MED13L: variants seen among roughly 807,000 people sequenced by gnomAD.
The protein encoded by MED13L is mediator complex subunit 13L.
In MED13L, 7 loss-of-function variants were observed where a neutral mutation model predicts 220.9. The ratio of observed to expected loss-of-function variants is 0.03; its 90% CI spans 0.02 to 0.06. The LOEUF (loss-of-function observed/expected upper bound fraction) is 0.06, where lower values mean the gene tolerates loss of function less well. Among genes scored for constraint, MED13L ranks in the 10% least tolerant of loss-of-function variants. The pLI, the probability that MED13L is intolerant of heterozygous loss-of-function variation, is 1.00. For synonymous variants in MED13L, 1,011 were observed against 1,015.2 expected (o/e 1.00, Z 0.08); for missense variants, 1,965 against 2,760.5 (o/e 0.71, Z 6.46).
chr12:116,084,417 T>C (rs916036240), intron 4 of MED13L, among the ~76,000 whole-genome samples: 2 of 152,204 alleles, frequency 1.3e-5, no homozygotes, highest in Admixed American at 1.3e-4. Flanking sequence ...TAAAAGTATA[T>C]ACAATCCCAA....
chr12:116,029,014 C>T (rs755193073), intron 4 of MED13L, among the ~76,000 whole-genome samples: 17 of 152,146 alleles, frequency 1.1e-4, no homozygotes, highest in Non-Finnish European at 2.4e-4. Context: ...AGCACCTCCT[C>T]TTGACCATGC....
chr12:116,054,197 C>T (rs1029754891), intron 4 of MED13L, among the ~76,000 whole-genome samples: 1 of 149,742 alleles, frequency 6.7e-6, no homozygotes, highest in Admixed American at 6.8e-5. Flanking sequence ...AACTATTACA[C>T]ACACACACAC....
intron 2 of MED13L, among the ~76,000 whole-genome samples, chr12:116,168,076 G>A (rs1879409761): frequency 6.6e-6 from 1 of 152,096 alleles, no homozygotes; most frequent in Admixed American, 6.6e-5. Flanking sequence ...TAAGCCACAT[G>A]TGTCAATCCT....
chr12:116,245,331 G>A (rs562980920), intron 1 of MED13L, among the ~76,000 whole-genome samples: 22 of 152,202 alleles, frequency 1.4e-4, no homozygotes, highest in African/African-American at 4.8e-4. Context: ...TCAGAGAGAG[G>A]TTCCCCAACT....
chr12:116,205,505 C>A (rs2138327513), intron 2 of MED13L, among the ~76,000 whole-genome samples: 1 of 121,988 alleles, frequency 8.2e-6, no homozygotes, highest in Non-Finnish European at 1.6e-5. Context: ...AACTGTTCTA[C>A]CATTAAAAAA....
chr12:116,024,913 T>C (rs1043751917), intron 4 of MED13L, among the ~76,000 whole-genome samples: 1 of 152,118 alleles, frequency 6.6e-6, no homozygotes, highest in Admixed American at 6.5e-5. Context: ...TCTTGGCACC[T>C]TCTTTTAAAT....
intron 2 of MED13L, among the ~76,000 whole-genome samples, chr12:116,152,389 G>A (rs1041096558): frequency 6.6e-6 from 1 of 151,862 alleles, no homozygotes; most frequent in African/African-American, 2.4e-5. Context: ...TTTTTGCTTT[G>A]CTTGGACATA....
chr12:116,047,381 CA>C (rs1881903549), intron 4 of MED13L, among the ~76,000 whole-genome samples: 1 of 152,028 alleles, frequency 6.6e-6, no homozygotes, highest in Non-Finnish European at 1.5e-5. Context: ...GAAATAAAGA[CA>C]AAAACATCAA....
chr12:116,156,033 C>T (rs149944827), intron 2 of MED13L, among the ~76,000 whole-genome samples: 64 of 152,162 alleles, frequency 4.2e-4, no homozygotes, highest in African/African-American at 1.4e-3. Flanking sequence ...ATTACTTTCA[C>T]GTTTCTATAG....
intron 2 of MED13L, among the ~76,000 whole-genome samples, chr12:116,154,063 T>C (rs888049329): frequency 2.0e-5 from 3 of 152,184 alleles, no homozygotes; most frequent in Non-Finnish European, 2.9e-5. Context: ...TTAACAACAG[T>C]TTATACTTAC....
chr12:116,261,639 T>C (rs1011308590), intron 1 of MED13L, among the ~76,000 whole-genome samples: 5 of 152,220 alleles, frequency 3.3e-5, no homozygotes, highest in African/African-American at 9.6e-5. Flanking sequence ...TACTTTCTTA[T>C]ATACACAATT....
intron 1 of MED13L, among the ~76,000 whole-genome samples, chr12:116,273,653 T>C (rs530794395): frequency 2.3e-4 from 35 of 152,338 alleles, no homozygotes; most frequent in African/African-American, 3.8e-4. Flanking sequence ...ATGGGTGTAC[T>C]AGTGTCTCAA....
At chr12:116,006,238 T>C (rs1209392832) in intron 12 of MED13L, 68 bp downstream of exon 12, 9 of 1,417,790 alleles carry the variant, frequency 6.3e-6, no homozygotes, top group Non-Finnish European at 7.0e-6. Flanking sequence ...AATTTTACAT[T>C]GAGAAGCATC....
At chr12:116,276,484 G>C in intron 1 of MED13L, 1 of 1,288,380 alleles carries the variant, frequency 7.8e-7, no homozygotes, top group Non-Finnish European at 1.0e-6. Flanking sequence ...TAAGCCCCGA[G>C]AGGCAGGCGG....
intron 6 of MED13L, 133 bp from the exon 7 acceptor site, chr12:116,019,545 ATAAGT>A: frequency 1.7e-6 from 2 of 1,146,036 alleles, no homozygotes; most frequent in Admixed American, 3.9e-5. Context: ...CCATTCTTTC[ATAAGT>A]TAATAGCTGT....
chr12:116,274,054 A>G (rs1433455012), intron 1 of MED13L, among the ~76,000 whole-genome samples: 1 of 152,258 alleles, frequency 6.6e-6, no homozygotes, highest in Non-Finnish European at 1.5e-5. Flanking sequence ...ACAGGCAGGC[A>G]TGCACTTAAT....
intron 2 of MED13L, among the ~76,000 whole-genome samples, chr12:116,202,654 G>A (rs1302466405): frequency 5.3e-5 from 8 of 151,968 alleles, no homozygotes; most frequent in African/African-American, 1.2e-4. Flanking sequence ...CCCATGCCTC[G>A]GCTTACGCAT....
At chr12:116,040,322 A>G (rs968048101) in intron 4 of MED13L, among the ~76,000 whole-genome samples, 5 of 152,248 alleles carry the variant, frequency 3.3e-5, no homozygotes, top group African/African-American at 1.2e-4. Context: ...AAAACAAATA[A>G]TGAAGTTATA....
At chr12:116,181,389 A>G (rs1880513965) in intron 2 of MED13L, 1 of 152,198 alleles carries the variant, frequency 6.6e-6, no homozygotes, top group Admixed American at 6.5e-5. Context: ...ACATCGCCAA[A>G]CCTAAATTTC....
Sources: allele counts gnomAD v4.1 joint callset (sites outside exome capture counted in the v4.1 genomes callset), GRCh38; gene constraint gnomAD v4.1.1; transcripts MANE v1.5; gene names NCBI Gene and HGNC (gene_info 2026-07-23, HGNC 2026-07-21).